VKORC1L1: variants seen among roughly 807,000 people sequenced by gnomAD.
The protein encoded by VKORC1L1 is vitamin K epoxide reductase complex subunit 1L1.
In VKORC1L1, 2 loss-of-function variants were observed where a neutral mutation model predicts 18.9. That is an observed-to-expected ratio of 0.11 (90% CI 0.04 to 0.33). The LOEUF is 0.33. Ranked by LOEUF, VKORC1L1 falls within the 10% of genes least tolerant of loss-of-function variation. The pLI is 1.00. For synonymous variants in VKORC1L1, 96 were observed against 100.0 expected, an observed-to-expected ratio of 0.96 and a Z score of 0.24; for missense variants, 123 against 224.1, an observed-to-expected ratio of 0.55 and a Z score of 2.88.
intron 1 of VKORC1L1, among the ~76,000 whole-genome samples, chr7:65,903,054 C>T (rs538037276): frequency 5.3e-5 from 8 of 151,774 alleles, no homozygotes; most frequent in South Asian, 4.2e-4. Flanking sequence ...TTAGTAGAGA[C>T]GGGGTTTCTC....
chr7:65,929,571 G>C (rs990216030), intron 1 of VKORC1L1, among the ~76,000 whole-genome samples: 1 of 150,732 alleles, frequency 6.6e-6, no homozygotes, highest in Non-Finnish European at 1.5e-5. Flanking sequence ...TTTCAAAACT[G>C]TTTCGGCTTT....
intron 1 of VKORC1L1, among the ~76,000 whole-genome samples, chr7:65,944,667 A>C (rs1790088566): frequency 6.6e-6 from 1 of 151,956 alleles, no homozygotes. Flanking sequence ...CTGTAATCCC[A>C]GCATTTGCAG....
intron 1 of VKORC1L1, among the ~76,000 whole-genome samples, chr7:65,926,241 C>T (rs183794360): frequency 6.6e-5 from 10 of 152,074 alleles, no homozygotes; most frequent in East Asian, 1.9e-4. Context: ...CTGCAACCTC[C>T]GCCTCCTGGG....
intron 1 of VKORC1L1, among the ~76,000 whole-genome samples, chr7:65,947,943 C>T (rs1185560067): frequency 6.6e-6 from 1 of 152,178 alleles, no homozygotes; most frequent in Non-Finnish European, 1.5e-5. Flanking sequence ...CTCGCCTCGG[C>T]CTCCCAAGGT....
intron 1 of VKORC1L1, among the ~76,000 whole-genome samples, chr7:65,931,217 A>G (rs34973832): frequency 0.52 from 78,248 of 150,504 alleles, 21,144 homozygotes; most frequent in East Asian, 0.81. Context: ...TAATGCTTTT[A>G]TATGGTTTTG....
intron 2 of VKORC1L1, among the ~76,000 whole-genome samples, chr7:65,950,856 G>A (rs1274056187): frequency 6.6e-6 from 1 of 152,212 alleles, no homozygotes; most frequent in East Asian, 1.9e-4. Context: ...GGTTGGGGAG[G>A]AGGGAGAAAT....
At chr7:65,950,726 T>C (rs1039549041) in intron 2 of VKORC1L1, among the ~76,000 whole-genome samples, 1 of 152,222 alleles carries the variant, frequency 6.6e-6, no homozygotes, top group African/African-American at 2.4e-5. Flanking sequence ...AAAGGAGATC[T>C]ATGTTTATAT....
chr7:65,866,452 A>ATGTGGAC, the VKORC1L1 span, among the ~76,000 whole-genome samples: 2 of 152,160 alleles, frequency 1.3e-5, no homozygotes, highest in Admixed American at 6.6e-5. Flanking sequence ...GATGGCTGCA[A>ATGTGGAC]TGTGGACTGT....
At chr7:65,945,309 A>C (rs1026089251) in intron 1 of VKORC1L1, among the ~76,000 whole-genome samples, 10 of 151,292 alleles carry the variant, frequency 6.6e-5, no homozygotes, top group South Asian at 4.2e-4. Flanking sequence ...GAAATGTGGA[A>C]GTAAATAAGA....
chr7:65,875,706 C>T (rs187637175), intron 1 of VKORC1L1, among the ~76,000 whole-genome samples: 7 of 152,094 alleles, frequency 4.6e-5, no homozygotes, highest in African/African-American at 1.4e-4. Flanking sequence ...CGTGAGCCAC[C>T]GCGCCTAGCC....
chr7:65,882,072 C>G (rs960554649), intron 1 of VKORC1L1, among the ~76,000 whole-genome samples: 1 of 149,474 alleles, frequency 6.7e-6, no homozygotes, highest in Admixed American at 6.7e-5. Flanking sequence ...AGAGCAAACT[C>G]TGTCTCAAGA....
intron 1 of VKORC1L1, among the ~76,000 whole-genome samples, chr7:65,907,581 T>G (rs566177867): frequency 1.1e-4 from 16 of 152,334 alleles, no homozygotes; most frequent in African/African-American, 3.8e-4. Flanking sequence ...CAGTCCAGAA[T>G]GACCCTCCCT....
At position 65,943,284 on chromosome 7, in the gene VKORC1L1, A is replaced by G. The variant is rs370145407; in HGVS notation, c.195-5387A>G. Among the ~76,000 whole-genome samples the G allele has an allele frequency of 7.9e-5, 12 of 152,304 alleles. No individual in the cohort carries two copies. The East Asian group carries it at 2.1e-3, about 27-fold the overall frequency. ...ACAAAAATAATAAGGAATTTTTGTA[A>G]AAAGAAATTTGTGGGTAAATATTGA... On this transcript the variant is annotated intron_variant, in intron 1 of 2. Coordinates refer to ENST00000360768, the MANE Select transcript of VKORC1L1 (RefSeq NM_173517.6).
At chr7:65,873,745 G>A (rs1371548471) in intron 1 of VKORC1L1, among the ~76,000 whole-genome samples, 180 bp downstream of exon 1, 1 of 150,882 alleles carries the variant, frequency 6.6e-6, no homozygotes, top group African/African-American at 2.4e-5. Context: ...TGCCCGGGGG[G>A]CGGCCTGAGC....
At chr7:65,949,858 G>C (rs1301425354) in intron 2 of VKORC1L1, among the ~76,000 whole-genome samples, 4 of 152,130 alleles carry the variant, frequency 2.6e-5, no homozygotes, top group Non-Finnish European at 5.9e-5. Context: ...TAACATCTAG[G>C]TTTCACTCCT....
chr7:65,914,188 G>A (rs566701124), intron 1 of VKORC1L1, among the ~76,000 whole-genome samples: 1 of 152,182 alleles, frequency 6.6e-6, no homozygotes, highest in South Asian at 2.1e-4. Context: ...TGCAATCCTG[G>A]GCTCAAGCGA....
intron 1 of VKORC1L1, among the ~76,000 whole-genome samples, chr7:65,918,438 A>G (rs1789623414): frequency 6.6e-6 from 1 of 152,270 alleles, no homozygotes; most frequent in Non-Finnish European, 1.5e-5. Context: ...TAATGCTGAC[A>G]TGAAACTCAC....
At chr7:65,947,821 G>T (rs962220210) in intron 1 of VKORC1L1, among the ~76,000 whole-genome samples, 1 of 151,912 alleles carries the variant, frequency 6.6e-6, no homozygotes, top group Admixed American at 6.6e-5. Flanking sequence ...CTCCCAACTA[G>T]CTGGGATTAC....
At chr7:65,931,941 C>G (rs1789865172) in intron 1 of VKORC1L1, among the ~76,000 whole-genome samples, 2 of 152,012 alleles carry the variant, frequency 1.3e-5, no homozygotes, top group South Asian at 4.2e-4. Context: ...ATGCCCAGCC[C>G]ATTTATTGAT....
Sources: allele counts gnomAD v4.1 joint callset (sites outside exome capture counted in the v4.1 genomes callset), GRCh38; gene constraint gnomAD v4.1.1; transcripts MANE v1.5; gene names NCBI Gene and HGNC (gene_info 2026-07-23, HGNC 2026-07-21).